The following SEMA6B variants were observed in gnomAD, a reference collection of about 807,000 sequenced individuals.
SEMA6B encodes semaphorin 6B, also known as semaphorin-6B.
Under a neutral mutation model 78.6 loss-of-function variants are expected in SEMA6B, and 47 were observed. The ratio of observed to expected loss-of-function variants is 0.60; its 90% confidence interval spans 0.47 to 0.76. The LOEUF is 0.76. Ranked by LOEUF, SEMA6B falls within the 30% of genes least tolerant of loss-of-function variation. The pLI is 0.00. For missense variants in SEMA6B, 1,213 were observed against 1,269.9 expected, an observed-to-expected ratio of 0.96 and a Z score of 0.68; for synonymous variants, 632 against 592.2, an observed-to-expected ratio of 1.07 and a Z score of -0.98.
In SEMA6B at chr19:4,544,968, G is replaced by A. The variant is rs1977128233; in HGVS notation, c.1739-439C>T. On this transcript the variant is annotated intron_variant, in intron 16 of 16. Coordinates refer to ENST00000586582, the MANE Select transcript of SEMA6B (RefSeq NM_032108.4). The surrounding 1 kb of genome is among the most constrained non-coding windows in gnomAD (Gnocchi z 5.1). ...ATTTTTTAATTTTTTTTGTTTGTTT[G>A]TTTTGAGACAGTCCCCCAGGCTAGA... Among the ~76,000 whole-genome samples the A allele has an allele frequency of 6.6e-6, 1 of 151,750 alleles. No individual in the cohort carries two copies. Among genetic ancestry groups the A allele is most frequent in the African/African-American group, 2.4e-5 (1 of 41,386 alleles).
chr19:4,544,394 C>T lies in SEMA6B; in HGVS notation c.1874G>A (p.Arg625His). ...GFSVGWFVGL[R>H]ERRELARRKD... is the part of the protein sequence containing the mutation. ...GCGCCGGGCCAGCTCCCGCCGCTCACGGAGGCCCACGAACCAGCCCACGCT... is the reference window on the plus strand; with the variant it reads ...GCGCCGGGCCAGCTCCCGCCGCTCATGGAGGCCCACGAACCAGCCCACGCT... The change falls in exon 17 of 17, where the codon CGT becomes CAT. Residue 625 changes from arginine (R) to histidine (H), a missense_variant. Physicochemically the swap from Arg to His is conservative, Grantham distance 29. Coordinates refer to ENST00000586582, the MANE Select transcript of SEMA6B (RefSeq NM_032108.4). The surrounding 1 kb of genome is among the most constrained non-coding windows in gnomAD (Gnocchi z 5.1). 1 of 1,599,796 alleles carries T rather than the reference C, an allele frequency of 6.3e-7. No homozygotes were observed. Among genetic ancestry groups the T allele is most frequent in the African/African-American group, 1.4e-5 (1 of 73,252 alleles).
Position 4,543,909 on chromosome 19 carries a change from A to G in SEMA6B, c.2359T>C (p.Phe787Leu). The G allele has an allele frequency of 8.3e-7, 1 of 1,201,636 alleles. No homozygotes were observed. The highest frequency in any genetic ancestry group is 1.0e-6 in the Non-Finnish European group (1 of 969,278). 74.4% of individuals were successfully genotyped at this position (1,201,636 alleles called of 1,614,324 possible). A position where few individuals can be genotyped will look rare whatever the true frequency, so the allele number is the denominator to read the frequency against. Residue 787 changes from phenylalanine (F) to leucine (L), a missense_variant, in exon 17 of 17, where the codon TTC (phenylalanine) becomes CTC (leucine). Phe to Leu is a conservative substitution (Grantham distance 22, BLOSUM62 0). Coordinates refer to ENST00000586582, the MANE Select transcript of SEMA6B (RefSeq NM_032108.4). The stretch of plus-strand genomic sequence containing the variant: ...GGGCTGGCGTGGGGGGTGAGCGGGA[A>G]GTCGCCGTGGGAGGCGCGGCCGGGC... ...ARPGRASHGDFPLTPHASPDR... is the reference protein window; with the variant it reads ...ARPGRASHGDLPLTPHASPDR...
chr19:4,547,664 C>T (rs1187195870), intron 14 of SEMA6B, among the ~76,000 whole-genome samples: 3 of 152,180 alleles, frequency 2.0e-5, no homozygotes, highest in Non-Finnish European at 4.4e-5. Context: ...GCACCTGAGT[C>T]AGGGCCAGTC....
Position 4,542,840 on chromosome 19 carries a change from G to C in SEMA6B, c.*761C>G. 1 of 700,082 alleles carries C rather than the reference G, an allele frequency of 1.4e-6. No homozygotes were observed. The highest frequency in any genetic ancestry group is 2.6e-6 in the Non-Finnish European group (1 of 383,834). 43.4% of individuals were successfully genotyped at this position (700,082 alleles called of 1,614,324 possible). On this transcript the variant is annotated 3_prime_UTR_variant, in exon 17 of 17. Transcript: ENST00000586582. ...GACAGCTGCTGCCGATGTGACTTCCGGGCAGGCCCTCCTCGTGTCTCCTGC... is the reference window on the plus strand; with the variant it reads ...GACAGCTGCTGCCGATGTGACTTCCCGGCAGGCCCTCCTCGTGTCTCCTGC...
chr19:4,546,408 G>T lies in SEMA6B; in HGVS notation c.1663C>A (p.Leu555Ile). The T allele has an allele frequency of 6.3e-7, 1 of 1,583,816 alleles. No homozygotes were observed. Among genetic ancestry groups the T allele is most frequent in the Admixed American group, 1.8e-5 (1 of 56,202 alleles). The change falls in exon 15 of 17, where the codon CTC becomes ATC. Residue 555 changes from leucine (L) to isoleucine (I), a missense_variant. Coordinates refer to ENST00000586582, the MANE Select transcript of SEMA6B (RefSeq NM_032108.4). ...GWAPDGSCIF[L>I]SPGTRAAFEQ... is the part of the protein sequence containing the mutation. Reference sequence around the variant, plus strand: ...CCGCAGTACCTGGTGCCCGGGCTGAGGAAGATGCAGGAGCCGTCGGGGGCC... The same window carrying T: ...CCGCAGTACCTGGTGCCCGGGCTGATGAAGATGCAGGAGCCGTCGGGGGCC...
In SEMA6B at chr19:4,558,702, G is replaced by T. The variant is rs1373660592; in HGVS notation, c.-32-213C>A. 2.0e-5 allele frequency among the ~76,000 whole-genome samples: 3 copies of T among 152,120 alleles called. No homozygotes were observed. Among genetic ancestry groups the T allele is most frequent in the African/African-American group, 7.2e-5 (3 of 41,430 alleles). Reference sequence around the variant, plus strand: ...TGGCCACGTGTGCGTGAAAGCCCAGGAAACGACTTCAAACAAAACTGCATT... The same window carrying T: ...TGGCCACGTGTGCGTGAAAGCCCAGTAAACGACTTCAAACAAAACTGCATT... On this transcript the variant is annotated intron_variant, in intron 1 of 16. Transcript: ENST00000586582. This position sits in a 1 kb window ranked among gnomAD's most constrained non-coding sequence, Gnocchi z 5.1.
Position 4,550,177 on chromosome 19 carries a change from T to C in SEMA6B, c.1217A>G (p.Asp406Gly), listed in dbSNP as rs778365087. 8.1e-6 allele frequency: 13 copies of C among 1,613,566 alleles called. No homozygotes were observed. The East Asian group carries it at 2.7e-4, about 33-fold the overall frequency. ...LNFVKTHPLM[D>G]EAVPSLGHAP... ...ATGGCCCAGCGAGGGCACCGCCTCG[T>C]CCATCAGAGGGTGGGTCTTGACAAA... Residue 406 changes from aspartate to glycine, a missense_variant, in exon 12 of 17, where the codon GAC becomes GGC. Asp to Gly is a moderately conservative substitution (Grantham distance 94). Coordinates refer to ENST00000586582, the MANE Select transcript of SEMA6B (RefSeq NM_032108.4). The surrounding 1 kb of genome is among the most constrained non-coding windows in gnomAD (Gnocchi z 6.6).
Position 4,552,548 on chromosome 19 carries a change from G to T in SEMA6B, c.863C>A (p.Ala288Glu). The change falls in exon 10 of 17, where the codon GCG (alanine) becomes GAG (glutamate). Residue 288 changes from alanine (A) to glutamate (E), a missense_variant. By Grantham distance (107) the Ala-to-Glu change is moderately radical. Coordinates refer to ENST00000586582, the MANE Select transcript of SEMA6B (RefSeq NM_032108.4). The surrounding 1 kb of genome is among the most constrained non-coding windows in gnomAD (Gnocchi z 7.4). ...LEKQWTSFLK[A>E]RLNCSVPGDS... ...TCCGGGTACAGAGCAGTTGAGCCGC[G>T]CCTTCAGGAAGGACGTCCACTGCTT... 2 of 1,612,934 alleles carry T rather than the reference G, an allele frequency of 1.2e-6. No homozygotes were observed. Among genetic ancestry groups the T allele is most frequent in the Non-Finnish European group, 1.7e-6 (2 of 1,179,994 alleles).
rs759601364 is a variant in SEMA6B at position 4,552,562 on chromosome 19, C to T, written c.849G>A (p.Thr283=). 74 of 1,612,816 alleles carry T rather than the reference C, an allele frequency of 4.6e-5. No homozygotes were observed. Among genetic ancestry groups the T allele is most frequent in the Admixed American group, 6.7e-5 (4 of 60,002 alleles). Residue 283 remains threonine, a synonymous_variant, in exon 10 of 17, where the codon ACG becomes ACA. Coordinates refer to ENST00000586582, the MANE Select transcript of SEMA6B (RefSeq NM_032108.4). The surrounding 1 kb of genome is among the most constrained non-coding windows in gnomAD (Gnocchi z 7.4). ...AGTTGAGCCGCGCCTTCAGGAAGGA[C>T]GTCCACTGCTTCTCCAGCACGCGGG... ...GSPRVLEKQW[T]SFLKARLNCS... is the part of the protein sequence containing the mutation.
At chr19:4,551,028 T>G in intron 10 of SEMA6B, 98 bp from the exon 11 acceptor site, 1 of 1,414,720 alleles carries the variant, frequency 7.1e-7, no homozygotes, top group Non-Finnish European at 9.8e-7. Context: ...CCAGTGAATC[T>G]TCAGTCTTCC....
rs760400091 is a variant in SEMA6B at position 4,550,288 on chromosome 19, G to A, written c.1122-16C>T. ...GCACCCGGGCCTGGGGGTGACAAGG[G>A]TGTGGTCAGGACGAACGTAAAGGTT... On this transcript the variant is annotated splice_polypyrimidine_tract_variant and intron_variant, in intron 11 of 16. Coordinates refer to ENST00000586582, the MANE Select transcript of SEMA6B (RefSeq NM_032108.4). The surrounding 1 kb of genome is among the most constrained non-coding windows in gnomAD (Gnocchi z 6.6). The A allele has an allele frequency of 1.2e-6, 2 of 1,613,336 alleles. No individual in the cohort carries two copies. Among genetic ancestry groups the A allele is most frequent in the Non-Finnish European group, 1.7e-6 (2 of 1,179,922 alleles).
At chr19:4,556,625 G>C (rs1018633409) in intron 5 of SEMA6B, among the ~76,000 whole-genome samples, 3 of 151,948 alleles carry the variant, frequency 2.0e-5, no homozygotes, top group Non-Finnish European at 2.9e-5. Flanking sequence ...CATGGCCTGG[G>C]CTTGTTGGAA....
chr19:4,550,318 T>C lies in SEMA6B; in HGVS notation c.1122-46A>G. On this transcript the variant is annotated intron_variant, in intron 11 of 16. Transcript: ENST00000586582. This position sits in a 1 kb window ranked among gnomAD's most constrained non-coding sequence, Gnocchi z 6.6. ...GTCAGGACGAACGTAAAGGTTCTCA[T>C]AAAGGGGCCTGATTCACCAGAGGTA... 6.2e-7 allele frequency: 1 copy of C among 1,602,882 alleles called. No homozygotes were observed. The highest frequency in any genetic ancestry group is 1.1e-5 in the South Asian group (1 of 90,862).
At position 4,555,689 on chromosome 19, in the gene SEMA6B, T is replaced by G; in HGVS notation, c.472-125A>C. On this transcript the variant is annotated intron_variant, in intron 6 of 16. Transcript: ENST00000586582. This position sits in a 1 kb window ranked among gnomAD's most constrained non-coding sequence, Gnocchi z 6.1. Reference sequence around the variant, plus strand: ...CGGATTACTGTGTGACCTTGGCCACTCACTTAACCTCTCAGGGCCTCAGTT... The same window carrying G: ...CGGATTACTGTGTGACCTTGGCCACGCACTTAACCTCTCAGGGCCTCAGTT... 1 of 780,738 alleles carries G rather than the reference T, an allele frequency of 1.3e-6. No homozygotes were observed. The highest frequency in any genetic ancestry group is 2.1e-6 in the Non-Finnish European group (1 of 471,798). The allele number at this position is 780,738 out of a possible 1,614,324, so 48.4% of individuals were successfully genotyped here. A position where few individuals can be genotyped will look rare whatever the true frequency, so the allele number is the denominator to read the frequency against.
rs1977531131 is a variant in SEMA6B, at chr19:4,558,386, G to A, written c.72C>T (p.His24=). Reference sequence around the variant, plus strand: ...GCGGCGGCTCCTCAGGAAAGAGGCCGTGGGCGCCCCCCAGTAGCAGCAGCA... The same window carrying A: ...GCGGCGGCTCCTCAGGAAAGAGGCCATGGGCGCCCCCCAGTAGCAGCAGCA... ...LLLLLLLGGA[H]GLFPEEPPPL... Residue 24 remains histidine (H), a synonymous_variant, in exon 2 of 17, where the codon CAC becomes CAT. Coordinates refer to ENST00000586582, the MANE Select transcript of SEMA6B (RefSeq NM_032108.4). This position sits in a 1 kb window ranked among gnomAD's most constrained non-coding sequence, Gnocchi z 5.1. The A allele has an allele frequency of 1.2e-5, 16 of 1,281,698 alleles. No homozygotes were observed. The highest frequency in any genetic ancestry group is 1.6e-5 in the Non-Finnish European group (16 of 1,006,102). The allele number at this position is 1,281,698 out of a possible 1,614,324, so 79.4% of individuals were successfully genotyped here. A position where few individuals can be genotyped will look rare whatever the true frequency, so the allele number is the denominator to read the frequency against.
rs1220233576 is a variant in SEMA6B, at chr19:4,555,466, G to T, written c.562+8C>A. ...GGCTGATCAGATGGAGGTTGGGGGG[G>T]TACTTACCAGAGAAGAGGGCAACAT... On this transcript the variant is annotated splice_region_variant and intron_variant, in intron 7 of 16. Transcript: ENST00000586582. The surrounding 1 kb of genome is among the most constrained non-coding windows in gnomAD (Gnocchi z 6.1). The T allele has an allele frequency of 5.0e-6, 8 of 1,609,320 alleles. No individual in the cohort carries two copies. Among genetic ancestry groups the T allele is most frequent in the African/African-American group, 4.0e-5 (3 of 74,738 alleles).
chr19:4,555,284 G>A lies in SEMA6B; in HGVS notation c.563-189C>T, dbSNP rs1012807202. Among the ~76,000 whole-genome samples the A allele has an allele frequency of 3.3e-5, 5 of 152,022 alleles. No individual in the cohort carries two copies. The highest frequency in any genetic ancestry group is 2.0e-4 in the Admixed American group (3 of 15,262). On this transcript the variant is annotated intron_variant, in intron 7 of 16. Transcript: ENST00000586582. The surrounding 1 kb of genome is among the most constrained non-coding windows in gnomAD (Gnocchi z 6.1). ...TGACCTTAACTGAGCCCCTGACCCC[G>A]GCTAAGCCCCAAATCCCGCTGAGCC...
At position 4,554,970 on chromosome 19, in the gene SEMA6B, T is replaced by A; in HGVS notation, c.682+6A>T. 1 of 1,613,346 alleles carries A rather than the reference T, an allele frequency of 6.2e-7. No homozygotes were observed. Among genetic ancestry groups the A allele is most frequent in the Non-Finnish European group, 8.5e-7 (1 of 1,179,554 alleles). Reference sequence around the variant, plus strand: ...GGTCTGGGCCCACTGCCCTTCCTGGTCTCACCTTTGAACCACTTGGAGTCA... The same window carrying A: ...GGTCTGGGCCCACTGCCCTTCCTGGACTCACCTTTGAACCACTTGGAGTCA... On this transcript the variant is annotated splice_donor_region_variant and intron_variant, in intron 8 of 16. Transcript: ENST00000586582.
At chr19:4,556,226 T>A (rs984460734) in intron 5 of SEMA6B, 137 bp from the exon 6 acceptor site, 127 of 661,708 alleles carry the variant, frequency 1.9e-4, no homozygotes, top group Non-Finnish European at 2.9e-4. Context: ...AACCTAGGAC[T>A]GGCTGGGGAC....
Sources: allele counts gnomAD v4.1 joint callset (sites outside exome capture counted in the v4.1 genomes callset), GRCh38; gene constraint gnomAD v4.1.1; non-coding constraint Gnocchi (gnomAD v3.1); transcripts MANE v1.5; gene names NCBI Gene and HGNC (gene_info 2026-07-23, HGNC 2026-07-21).